TRABD2B: variants seen among roughly 807,000 people sequenced by gnomAD.
TRABD2B encodes the protein TraB domain containing 2B, also known as metalloprotease TIKI2.
A neutral mutation model predicts 40.1 loss-of-function variants in TRABD2B; 14 were observed. That is an observed-to-expected ratio of 0.35 (90% CI 0.23 to 0.55). The LOEUF is 0.55. Ranked by LOEUF, TRABD2B falls within the 20% of genes least tolerant of loss-of-function variation. The pLI, the probability that TRABD2B is intolerant of heterozygous loss-of-function variation, is 0.90. For missense variants in TRABD2B, 541 were observed against 648.6 expected, an observed-to-expected ratio of 0.83 and a Z score of 1.80; for synonymous variants, 263 against 277.0, an observed-to-expected ratio of 0.95 and a Z score of 0.50.
chr1:47,874,571 CTTTTTTTTTTTTT>C (rs370059019), intron 2 of TRABD2B, among the ~76,000 whole-genome samples: 1 of 137,280 alleles, frequency 7.3e-6, no homozygotes, highest in Admixed American at 7.3e-5. Context: ...CGCGCCCGGC[CTTTTTTTTTTTTT>C]TAAGAGACAA....
At chr1:47,984,324 A>G (rs749922772) in intron 2 of TRABD2B, among the ~76,000 whole-genome samples, 1 of 152,228 alleles carries the variant, frequency 6.6e-6, no homozygotes, top group African/African-American at 2.4e-5. Context: ...ACGGGCGAGG[A>G]CATACACACT....
At chr1:47,977,206 G>A (rs1645769219) in intron 2 of TRABD2B, among the ~76,000 whole-genome samples, 1 of 151,964 alleles carries the variant, frequency 6.6e-6, no homozygotes, top group South Asian at 2.1e-4. Flanking sequence ...CTGAGTAGCT[G>A]GGACCACAGG....
chr1:47,911,781 G>T (rs1270875137), intron 2 of TRABD2B, among the ~76,000 whole-genome samples: 1 of 152,232 alleles, frequency 6.6e-6, no homozygotes, highest in African/African-American at 2.4e-5. Flanking sequence ...AAGGTCCAGT[G>T]CAAAAGGAAA....
chr1:47,941,549 A>T (rs1042784425), intron 2 of TRABD2B, among the ~76,000 whole-genome samples: 22 of 152,246 alleles, frequency 1.4e-4, no homozygotes, highest in African/African-American at 5.3e-4. Context: ...ATTTACCTGG[A>T]CACTGCCTAG....
chr1:47,911,095 C>T (rs1644756863), intron 2 of TRABD2B, among the ~76,000 whole-genome samples: 1 of 152,176 alleles, frequency 6.6e-6, no homozygotes, highest in Non-Finnish European at 1.5e-5. Context: ...CAGCCCCAGC[C>T]AGGATTTTTA....
At chr1:47,770,653 A>G (rs1644366033) in intron 6 of TRABD2B, among the ~76,000 whole-genome samples, 2 of 152,236 alleles carry the variant, frequency 1.3e-5, no homozygotes, top group Non-Finnish European at 2.9e-5. Context: ...CTTCAGTGGC[A>G]CCACACTGGA....
chr1:47,925,720 T>G (rs181143247), intron 2 of TRABD2B, among the ~76,000 whole-genome samples: 3 of 152,362 alleles, frequency 2.0e-5, no homozygotes, highest in Admixed American at 6.5e-5. Flanking sequence ...TTTCTTTCTC[T>G]GAGCACTTAC....
At chr1:47,794,826 A>G in intron 3 of TRABD2B, 66 bp from the exon 4 acceptor site, 3 of 1,376,772 alleles carry the variant, frequency 2.2e-6, no homozygotes, top group Admixed American at 6.4e-5. Flanking sequence ...AAAGGGTGTT[A>G]CTGTCACCCA....
intron 2 of TRABD2B, among the ~76,000 whole-genome samples, chr1:47,859,497 C>T (rs554060680): frequency 2.0e-4 from 31 of 152,350 alleles, no homozygotes; most frequent in Middle Eastern, 6.8e-3. Flanking sequence ...CTGGGCATTA[C>T]CTGCCTTAGT....
At chr1:47,926,611 C>G (rs1166204193) in intron 2 of TRABD2B, among the ~76,000 whole-genome samples, 1 of 152,146 alleles carries the variant, frequency 6.6e-6, no homozygotes, top group Non-Finnish European at 1.5e-5. Context: ...GGGATAAGAT[C>G]TGGCGGCAGG....
intron 3 of TRABD2B, 28 bp downstream of exon 3, chr1:47,801,427 GATCTAATAAATGCCAGGT>G: frequency 6.6e-7 from 1 of 1,522,216 alleles, no homozygotes; most frequent in South Asian, 1.2e-5. Context: ...ACGTCATAGG[GATCTAATAAATGCCAGGT>G]ATCCAGGTCT....
chr1:47,810,515 T>C (rs1454362812), intron 2 of TRABD2B, among the ~76,000 whole-genome samples: 1 of 152,018 alleles, frequency 6.6e-6, no homozygotes, highest in African/African-American at 2.4e-5. Flanking sequence ...GCAGGCCTGA[T>C]AGGTTTGCAG....
chr1:47,794,790 G>GTTTT lies in TRABD2B; in HGVS notation c.814-34_814-31dup, dbSNP rs555844964. On this transcript the variant is annotated intron_variant, in intron 3 of 6. Transcript: ENST00000606738. The stretch of plus-strand genomic sequence containing the variant: ...AAAGGCAAGACAGAGGCTGCCTTCA[G>GTTTT]TTTTTTTTTTTTTTTTTTTTTTGAT... 6,150 of 1,136,264 alleles carry GTTTT rather than the reference G, an allele frequency of 5.4e-3. 2 individuals carry two copies. Among genetic ancestry groups the GTTTT allele is most frequent in the South Asian group, 7.9e-3 (402 of 50,834 alleles). 70.4% of individuals were successfully genotyped at this position (1,136,264 alleles called of 1,614,324 possible).
intron 2 of TRABD2B, among the ~76,000 whole-genome samples, chr1:47,806,181 C>T (rs1214969883): frequency 1.3e-5 from 2 of 152,234 alleles, no homozygotes; most frequent in Non-Finnish European, 2.9e-5. Flanking sequence ...AGGGAAGCTA[C>T]ATCCATTCAT....
intron 4 of TRABD2B, among the ~76,000 whole-genome samples, chr1:47,787,962 C>T (rs1303210042): frequency 6.6e-6 from 1 of 152,084 alleles, no homozygotes; most frequent in African/African-American, 2.4e-5. Context: ...ACAGAGGGCC[C>T]AAGTGACAGC....
In TRABD2B at chr1:47,986,883, C is replaced by T. The variant is rs535013426; in HGVS notation, c.666+7151G>A. On this transcript the variant is annotated intron_variant, in intron 2 of 6. Transcript: ENST00000606738. ...CAGCCGCTGAACAGAACTGAAGGCT[C>T]GGCCACCGGCTGCCTGTGGATTAAG... Among the ~76,000 whole-genome samples the T allele has an allele frequency of 4.8e-4, 73 of 152,264 alleles. No individual in the cohort carries two copies. The Middle Eastern group carries it at 0.01, about 21-fold the overall frequency.
At chr1:47,837,604 T>C (rs1645336405) in intron 2 of TRABD2B, among the ~76,000 whole-genome samples, 1 of 152,298 alleles carries the variant, frequency 6.6e-6, no homozygotes, top group Middle Eastern at 3.4e-3. Flanking sequence ...CTGTATCACC[T>C]TGACCATCAG....
At chr1:47,864,799 C>T (rs1244753887) in intron 2 of TRABD2B, among the ~76,000 whole-genome samples, 1 of 152,108 alleles carries the variant, frequency 6.6e-6, no homozygotes, top group South Asian at 2.1e-4. Context: ...GAAAACTAGT[C>T]ATCTGCCTGG....
chr1:47,920,424 A>C (rs1359165825), intron 2 of TRABD2B, among the ~76,000 whole-genome samples: 5 of 152,216 alleles, frequency 3.3e-5, no homozygotes, highest in Admixed American at 1.3e-4. Context: ...TCTGAATCAG[A>C]GCACTTTCCA....
Sources: allele counts gnomAD v4.1 joint callset (sites outside exome capture counted in the v4.1 genomes callset), GRCh38; gene constraint gnomAD v4.1.1; transcripts MANE v1.5; gene names NCBI Gene and HGNC (gene_info 2026-07-23, HGNC 2026-07-21).